The following HIPK3 variants were observed in gnomAD, a reference collection of about 807,000 sequenced individuals.
HIPK3 encodes the protein homeodomain-interacting protein kinase 3.
Under a neutral mutation model 124.2 loss-of-function variants are expected in HIPK3, and 47 were observed. The observed-to-expected ratio is 0.38, with a 90% confidence interval of 0.30 to 0.48. The LOEUF is 0.48. Among genes scored for constraint, HIPK3 ranks in the 20% least tolerant of loss-of-function variants. The probability of loss-of-function intolerance (pLI) is 0.98; values close to 1 mark genes in which losing one functional copy is unlikely to be tolerated. For synonymous variants in HIPK3, 482 were observed against 515.2 expected, an observed-to-expected ratio of 0.94 and a Z score of 0.87; for missense variants, 1,286 against 1,454.3, an observed-to-expected ratio of 0.88 and a Z score of 1.88.
rs115111099 is a variant in HIPK3 at position 33,351,885 on chromosome 11, C to T, written c.3043+42C>T. 7.9e-5 allele frequency: 117 copies of T among 1,489,396 alleles called. 1 individual carries two copies. The highest frequency in any genetic ancestry group is 2.4e-4 in the Admixed American group (13 of 53,408). The allele number at this position is 1,489,396 out of a possible 1,614,324, so 92.3% of individuals were successfully genotyped here. A position where few individuals can be genotyped will look rare whatever the true frequency, so the allele number is the denominator to read the frequency against. ...CATTTCTCTGGTTGTCCTTTAAATACGGTCTTAATTTAGGAAAATCTGAGA... is the reference window on the plus strand; with the variant it reads ...CATTTCTCTGGTTGTCCTTTAAATATGGTCTTAATTTAGGAAAATCTGAGA... On this transcript the variant is annotated intron_variant, in intron 15 of 16. Coordinates refer to ENST00000303296, the MANE Select transcript of HIPK3 (RefSeq NM_005734.5).
intron 2 of HIPK3, among the ~76,000 whole-genome samples, chr11:33,302,216 A>G (rs1050205977): frequency 2.0e-5 from 3 of 152,006 alleles, no homozygotes; most frequent in Admixed American, 2.0e-4. Flanking sequence ...AATTTTTCCT[A>G]ACTGCCCTCC....
intron 2 of HIPK3, among the ~76,000 whole-genome samples, chr11:33,295,491 G>C (rs1009880996): frequency 6.6e-6 from 1 of 152,238 alleles, no homozygotes; most frequent in Admixed American, 6.5e-5. Flanking sequence ...CTTATGTTGC[G>C]TCGTTATGAA....
intron 1 of HIPK3, among the ~76,000 whole-genome samples, chr11:33,261,709 A>G (rs1261624119): frequency 6.6e-6 from 1 of 152,222 alleles, no homozygotes; most frequent in East Asian, 1.9e-4. Context: ...TGATAAAACA[A>G]TGTATATTTC....
At chr11:33,288,748 C>T (rs139628703) in intron 2 of HIPK3, among the ~76,000 whole-genome samples, 195 of 152,280 alleles carry the variant, frequency 1.3e-3, no homozygotes, top group Middle Eastern at 3.4e-3. Context: ...GCTTTGAATT[C>T]ATAGTTTGAT....
intron 2 of HIPK3, among the ~76,000 whole-genome samples, chr11:33,295,343 T>C (rs1170050149): frequency 1.5e-5 from 2 of 133,612 alleles, no homozygotes; most frequent in Admixed American, 8.6e-5. Flanking sequence ...ACTGTTCGGC[T>C]CATCTGTTTG....
At chr11:33,305,087 G>C (rs1852115894) in intron 2 of HIPK3, among the ~76,000 whole-genome samples, 1 of 152,102 alleles carries the variant, frequency 6.6e-6, no homozygotes, top group South Asian at 2.1e-4. Context: ...TGCAGCCTCT[G>C]CCCGCCGAGT....
At chr11:33,339,012 C>A (rs144401001) in intron 5 of HIPK3, among the ~76,000 whole-genome samples, 169 bp downstream of exon 5, 1,682 of 152,284 alleles carry the variant, frequency 0.011, 25 homozygotes, top group African/African-American at 0.038. Context: ...AACTAAATTG[C>A]ATTTGTCGTT....
intron 2 of HIPK3, among the ~76,000 whole-genome samples, chr11:33,295,279 C>CCA (rs1351430600): frequency 2.1e-5 from 3 of 143,578 alleles, no homozygotes; most frequent in Admixed American, 1.4e-4. Context: ...CCACCACCGC[C>CCA]CCCCCCCCAC....
chr11:33,286,745 G>T lies in HIPK3; in HGVS notation c.331G>T (p.Ala111Ser), dbSNP rs755301195. The T allele has an allele frequency of 6.2e-7, 1 of 1,614,064 alleles. No individual in the cohort carries two copies. Residue 111 changes from alanine (A) to serine (S), a missense_variant, in exon 2 of 17, where the codon GCG becomes TCG. By Grantham distance (99) the Ala-to-Ser change is moderately conservative. Transcript: ENST00000303296. ...TCACGTGCAGGCACCTCAGATTGGG[G>T]CGTGGCGAAACAGATTGCATTTCCT... ...QAHVQAPQIG[A>S]WRNRLHFLEG...
At position 33,351,611 on chromosome 11, in the gene HIPK3, G is replaced by A. The variant is rs140277514; in HGVS notation, c.2811G>A (p.Met937Ile). 14 of 1,611,330 alleles carry A rather than the reference G, an allele frequency of 8.7e-6. No homozygotes were observed. In the African/African-American group the frequency reaches 9.3e-5, roughly 11 times the overall value. Residue 937 changes from methionine to isoleucine, a missense_variant, in exon 15 of 17, where the codon ATG becomes ATA. Physicochemically the swap from Met to Ile is conservative, Grantham distance 10. Around this residue, in one of 3 missense-constraint regions of HIPK3, gnomAD observed 810 missense variants for 864.9 expected, o/e 0.94. Coordinates refer to ENST00000303296, the MANE Select transcript of HIPK3 (RefSeq NM_005734.5). ...SPSPCKRPNS[M>I]SDEEQESSCD... Reference sequence around the variant, plus strand: ...AAAAAATGCTTTCTTTTTGTAGTATGTCAGATGAAGAGCAAGAAAGTAGTT... The same window carrying A: ...AAAAAATGCTTTCTTTTTGTAGTATATCAGATGAAGAGCAAGAAAGTAGTT...
chr11:33,354,602 C>G lies in HIPK3; in HGVS notation c.*1034C>G, dbSNP rs1271441121. The G allele has an allele frequency of 6.6e-6, 1 of 152,170 alleles. No homozygotes were observed. Among genetic ancestry groups the G allele is most frequent in the Non-Finnish European group, 1.5e-5 (1 of 67,936 alleles). 9.4% of individuals were successfully genotyped at this position (152,170 alleles called of 1,614,324 possible). On this transcript the variant is annotated 3_prime_UTR_variant, in exon 17 of 17. Coordinates refer to ENST00000303296, the MANE Select transcript of HIPK3 (RefSeq NM_005734.5). ...TGGTTTTATCTTAGCTTGGGCAAAC[C>G]ATGCAGTATTTAATAAATAGTAGCA...
intron 1 of HIPK3, among the ~76,000 whole-genome samples, chr11:33,266,948 T>C (rs1388257187): frequency 6.6e-6 from 1 of 152,134 alleles, no homozygotes; most frequent in Non-Finnish European, 1.5e-5. Flanking sequence ...TCTCTTGTTT[T>C]CTCGTGGTTT....
chr11:33,304,680 A>G (rs1852103863), intron 2 of HIPK3, among the ~76,000 whole-genome samples: 1 of 152,238 alleles, frequency 6.6e-6, no homozygotes, highest in Non-Finnish European at 1.5e-5. Flanking sequence ...TACAAAATAC[A>G]TATTATGCTT....
chr11:33,286,000 C>T (rs1325558127), intron 1 of HIPK3, among the ~76,000 whole-genome samples: 2 of 152,168 alleles, frequency 1.3e-5, no homozygotes, highest in Non-Finnish European at 2.9e-5. Context: ...GTCTTGGACT[C>T]CTGACCTCAA....
chr11:33,317,167 T>C (rs2133952331), intron 2 of HIPK3, among the ~76,000 whole-genome samples: 1 of 152,040 alleles, frequency 6.6e-6, no homozygotes, highest in East Asian at 1.9e-4. Flanking sequence ...GATGGGGTTT[T>C]GCCGTATTGG....
intron 2 of HIPK3, among the ~76,000 whole-genome samples, chr11:33,303,145 G>A (rs994506451): frequency 2.0e-5 from 3 of 152,072 alleles, no homozygotes; most frequent in Non-Finnish European, 4.4e-5. Flanking sequence ...GACCCCCCAC[G>A]GACATCAAAA....
intron 2 of HIPK3, among the ~76,000 whole-genome samples, chr11:33,291,770 G>A (rs985054270): frequency 6.6e-6 from 1 of 151,814 alleles, no homozygotes; most frequent in South Asian, 2.1e-4. Flanking sequence ...TTTAGCCTGC[G>A]ATTCTAAGTC....
In HIPK3 at chr11:33,341,582, A is replaced by T. The variant is rs775136389; in HGVS notation, c.1793A>T (p.His598Leu). 1.2e-6 allele frequency: 2 copies of T among 1,612,504 alleles called. No homozygotes were observed. The highest frequency in any genetic ancestry group is 1.7e-6 in the Non-Finnish European group (2 of 1,179,324). The change falls in exon 8 of 17, where the codon CAT becomes CTT. Residue 598 changes from histidine (H) to leucine (L), a missense_variant. His to Leu is a moderately conservative substitution (Grantham distance 99). Coordinates refer to ENST00000303296, the MANE Select transcript of HIPK3 (RefSeq NM_005734.5). ...LRSQALTTSA[H>L]SVVHHGIPLQ... ...TTTCAGGCATTGACCACATCTGCTC[A>T]TTCAGTTGTGCACCATGGAATACCT... is the stretch of plus-strand genomic sequence containing the variant.
At position 33,257,630 on chromosome 11, in the gene HIPK3, G is replaced by A. The variant is rs1850700916; in HGVS notation, c.-262G>A. On this transcript the variant is annotated 5_prime_UTR_variant, in exon 1 of 17. Coordinates refer to ENST00000303296, the MANE Select transcript of HIPK3 (RefSeq NM_005734.5). ...GTCCCCACCCCAAATCCCCGGGAAG[G>A]AAGATGAGGGAGACGGGCCCGGCGC... The A allele has an allele frequency of 1.0e-6, 1 of 989,134 alleles. No individual in the cohort carries two copies. The highest frequency in any genetic ancestry group is 1.7e-5 in the African/African-American group (1 of 57,408). The allele number at this position is 989,134 out of a possible 1,614,324, so 61.3% of individuals were successfully genotyped here.
Sources: gnomAD v4.1 joint callset for allele counts (sites outside exome capture counted in the v4.1 genomes callset) on GRCh38, gnomAD v4.1.1 for gene constraint, gnomAD v4.1.1 regional missense constraint, MANE v1.5 for transcripts, NCBI Gene and HGNC (gene_info 2026-07-23, HGNC 2026-07-21) for gene names.